Variants in KIF5B observed in about 807,000 individuals in gnomAD.
The protein encoded by KIF5B is kinesin-1 heavy chain.
In KIF5B, 49 loss-of-function variants were observed where a neutral mutation model predicts 132.8. The observed-to-expected ratio is 0.37, with a 90% CI of 0.29 to 0.47. The LOEUF is 0.47. Ranked by LOEUF, KIF5B falls within the 20% of genes least tolerant of loss-of-function variation. The pLI is 1.00. For missense variants in KIF5B, 780 were observed against 1,144.0 expected, an observed-to-expected ratio of 0.68 and a Z score of 4.59; for synonymous variants, 355 against 369.4, an observed-to-expected ratio of 0.96 and a Z score of 0.45.
intron 2 of KIF5B, among the ~76,000 whole-genome samples, chr10:32,040,853 TG>T (rs1382385569): frequency 1.3e-5 from 2 of 151,808 alleles, no homozygotes; most frequent in Non-Finnish European, 2.9e-5. Context: ...CTGGGCTTGG[TG>T]GCGCGTGCCT....
chr10:32,031,004 T>C (rs1486005158), intron 14 of KIF5B, 69 bp downstream of exon 14: 1 of 1,086,582 alleles, frequency 9.2e-7, no homozygotes, highest in African/African-American at 1.6e-5. Flanking sequence ...AAGTAAGTTA[T>C]TTAAGTAGTT....
chr10:32,042,396 C>T (rs1841553814), intron 2 of KIF5B, among the ~76,000 whole-genome samples: 1 of 152,156 alleles, frequency 6.6e-6, no homozygotes, highest in Non-Finnish European at 1.5e-5. Flanking sequence ...ATCACATTTA[C>T]CTCTTCCTCT....
chr10:32,034,256 C>T (rs1350252576), intron 11 of KIF5B, among the ~76,000 whole-genome samples: 2 of 151,816 alleles, frequency 1.3e-5, no homozygotes, highest in South Asian at 2.1e-4. Context: ...GGATTACAGG[C>T]GCTCAGCACC....
intron 2 of KIF5B, among the ~76,000 whole-genome samples, chr10:32,045,658 T>C (rs1289751783): frequency 2.0e-5 from 3 of 152,172 alleles, no homozygotes; most frequent in Non-Finnish European, 4.4e-5. Context: ...AGGGATAGAT[T>C]ATGGAAATAA....
intron 23 of KIF5B, 120 bp from the exon 24 acceptor site, chr10:32,017,479 T>C: frequency 1.3e-6 from 1 of 767,718 alleles, no homozygotes; most frequent in South Asian, 1.8e-5. Flanking sequence ...TTCCCATTTA[T>C]CTAATTTAGG....
chr10:32,021,908 G>C (rs1038312268), intron 17 of KIF5B, among the ~76,000 whole-genome samples: 9 of 152,126 alleles, frequency 5.9e-5, no homozygotes, highest in Admixed American at 5.9e-4. Context: ...GGAGGTGGAG[G>C]TTGCAGTGAG....
intron 19 of KIF5B, 37 bp downstream of exon 19, chr10:32,020,985 G>T: frequency 8.7e-7 from 1 of 1,156,060 alleles, no homozygotes; most frequent in Non-Finnish European, 1.3e-6. Flanking sequence ...ATCAGTAACC[G>T]ATTCTTTCCT....
rs1841765351 is a variant in KIF5B, at chr10:32,056,381, C to T, written c.-408G>A. ...TCCGCCCGCTCTGCCGTCCGCTGGC[C>T]GGCCGACTGCTGCCCGATCACTCCT... On this transcript the variant is annotated 5_prime_UTR_variant, in exon 1 of 26. Transcript: ENST00000302418. 1 of 219,244 alleles carries T rather than the reference C, an allele frequency of 4.6e-6. No homozygotes were observed. The allele number at this position is 219,244 out of a possible 1,614,324, so 13.6% of individuals were successfully genotyped here.
chr10:32,012,398 C>T lies in KIF5B; in HGVS notation c.*21-882G>A, dbSNP rs184302977. On this transcript the variant is annotated intron_variant, in intron 25 of 25. Coordinates refer to ENST00000302418, the MANE Select transcript of KIF5B (RefSeq NM_004521.3). ...GGTGAGGCAGGGAGAACTGCTTGAA[C>T]CCGGGAAGCAGAGGTTGCAGTGAGC... is the stretch of plus-strand genomic sequence containing the variant. Among the ~76,000 whole-genome samples, 433 of 152,270 alleles carry T rather than the reference C, an allele frequency of 2.8e-3. 2 individuals are homozygous for T. The highest frequency in any genetic ancestry group is 5.0e-3 in the Non-Finnish European group (337 of 68,030).
rs929450685 is a variant in KIF5B at position 32,022,149 on chromosome 10, G to A, written c.2023C>T (p.Arg675Ter). ...DALSEELVQL[R>*]AQEKVHEMEK... ...CAGTTGGAAGCTATACCTTGTGCTC[G>A]AAGCTGGACTAGTTCTTCACTGAGG... Residue 675 changes from arginine to a stop codon, truncating the protein, a stop_gained, in exon 17 of 26, where the codon CGA becomes TGA. Coordinates refer to ENST00000302418, the MANE Select transcript of KIF5B (RefSeq NM_004521.3). LOFTEE classifies it high-confidence loss of function. 6.4e-7 allele frequency: 1 copy of A among 1,570,868 alleles called. No homozygotes were observed.
At position 32,017,224 on chromosome 10, in the gene KIF5B, G is replaced by C; in HGVS notation, c.2680C>G (p.Arg894Gly). The change falls in exon 24 of 26, where the codon CGC (arginine) becomes GGC (glycine). Residue 894 changes from arginine (R) to glycine (G), a missense_variant. Physicochemically the swap from Arg to Gly is moderately radical, Grantham distance 125. Coordinates refer to ENST00000302418, the MANE Select transcript of KIF5B (RefSeq NM_004521.3). ...ATGCGATCTACTTCTTGCTGATAGC[G>C]TTTGCGATCACGAGATGCATTTTCT... ...AKENASRDRK[R>G]YQQEVDRIKE... The C allele has an allele frequency of 6.2e-7, 1 of 1,614,148 alleles. No individual in the cohort carries two copies.
chr10:32,034,085 C>T (rs1841434066), intron 11 of KIF5B, 47 bp from the exon 12 acceptor site: 1 of 1,200,300 alleles, frequency 8.3e-7, no homozygotes, highest in Non-Finnish European at 1.2e-6. Context: ...ACGTCTAAAG[C>T]TAATTTCAAT....
At chr10:32,041,798 A>T (rs75262264) in intron 2 of KIF5B, among the ~76,000 whole-genome samples, 1,884 of 152,190 alleles carry the variant, frequency 0.012, 38 homozygotes, top group African/African-American at 0.043. Context: ...AATTCTAAAA[A>T]AAATTTTGTA....
rs1321854410 is a variant in KIF5B at position 32,055,881 on chromosome 10, G to C, written c.93C>G (p.Ala31=). ...SEVNRGDKYI[A]KFQGEDTVVI... is the part of the protein sequence containing the mutation. ...CGACCGTGTCTTCTCCCTGAAACTT[G>C]GCGATGTACTTGTCGCCGCGGTTCA... is the stretch of plus-strand genomic sequence containing the variant. The change falls in exon 1 of 26, where the codon GCC becomes GCG. Residue 31 remains alanine (A), a synonymous_variant. Transcript: ENST00000302418. 6.2e-7 allele frequency: 1 copy of C among 1,612,938 alleles called. No individual in the cohort carries two copies. The highest frequency in any genetic ancestry group is 1.3e-5 in the African/African-American group (1 of 74,944).
chr10:32,038,276 G>T, intron 5 of KIF5B, 58 bp from the exon 6 acceptor site: 2 of 1,158,924 alleles, frequency 1.7e-6, no homozygotes, highest in East Asian at 2.3e-5. Flanking sequence ...CACTGGATAT[G>T]AAATAACTGA....
Position 32,051,701 on chromosome 10 carries a change from AATG to A in KIF5B, c.127-3153_127-3151del, listed in dbSNP as rs1426924990. 8.9e-4 allele frequency among the ~76,000 whole-genome samples: 136 copies of A among 152,314 alleles called. 3 individuals are homozygous for A. The highest frequency in any genetic ancestry group is 4.4e-5 in the Non-Finnish European group (3 of 68,024). On this transcript the variant is annotated intron_variant, in intron 1 of 25. Coordinates refer to ENST00000302418, the MANE Select transcript of KIF5B (RefSeq NM_004521.3). The stretch of plus-strand genomic sequence containing the variant: ...CAGTCTTATCTTGATTGCAAAACCA[AATG>A]ATGATTTTGTAATACTAAGTAAGGC...
chr10:32,048,519 C>T lies in KIF5B; in HGVS notation c.159G>A (p.Gln53=), dbSNP rs1275289889. The change falls in exon 2 of 26, where the codon CAG becomes CAA. Residue 53 remains glutamine, a synonymous_variant. Transcript: ENST00000302418. ...ACACTTGCTCTTGAGATGTGCTTGA[C>T]TGGAACACCCGATCAAATGCATAAG... ...SKPYAFDRVF[Q]SSTSQEQVYN... The T allele has an allele frequency of 1.9e-6, 3 of 1,613,742 alleles. No individual in the cohort carries two copies. In the Admixed American group the frequency reaches 5.0e-5, roughly 27 times the overall value.
intron 15 of KIF5B, among the ~76,000 whole-genome samples, chr10:32,027,735 C>T (rs909049125): frequency 4.0e-5 from 6 of 151,578 alleles, no homozygotes; most frequent in Non-Finnish European, 5.9e-5. Flanking sequence ...GCTGGGACTA[C>T]AGGCATGTAT....
At chr10:32,043,881 A>G (rs1841575849) in intron 2 of KIF5B, among the ~76,000 whole-genome samples, 1 of 152,116 alleles carries the variant, frequency 6.6e-6, no homozygotes, top group Non-Finnish European at 1.5e-5. Flanking sequence ...TCAAATCCCT[A>G]TCTCAAAAGA....
Sources: allele counts gnomAD v4.1 joint callset (sites outside exome capture counted in the v4.1 genomes callset), GRCh38; gene constraint gnomAD v4.1.1; transcripts MANE v1.5; gene names NCBI Gene and HGNC (gene_info 2026-07-23, HGNC 2026-07-21).